Variants in UMODL1 observed in about 807,000 individuals in gnomAD.
UMODL1 encodes uromodulin like 1.
UMODL1 carries 128 observed loss-of-function variants against 136.3 expected under a neutral mutation model. The ratio of observed to expected loss-of-function variants is 0.94; its 90% CI spans 0.81 to 1.09. The LOEUF (loss-of-function observed/expected upper bound fraction) is 1.09, where lower values mean the gene tolerates loss of function less well. Among genes scored for constraint, UMODL1 ranks in the 50% least tolerant of loss-of-function variants. The pLI is 0.00. For missense variants in UMODL1, 1,766 were observed against 1,725.6 expected (o/e 1.02, Z -0.41); for synonymous variants, 721 against 720.0 (o/e 1.00, Z -0.02).
chr21:42,085,679 G>A lies in UMODL1; in HGVS notation c.603+267G>A, dbSNP rs1276711499. ...CCCTCATAGGCCCGCCTGTCGTGGT[G>A]GAGAACGCGGATCCCTAAGCTTGCA... On this transcript the variant is annotated intron_variant, in intron 4 of 22. Transcript: ENST00000408910. The surrounding 1 kb of genome is among the most constrained non-coding windows in gnomAD (Gnocchi z 4.5). Among the ~76,000 whole-genome samples the A allele has an allele frequency of 6.6e-6, 1 of 152,206 alleles. No individual in the cohort carries two copies. The highest frequency in any genetic ancestry group is 1.5e-5 in the Non-Finnish European group (1 of 68,034).
chr21:42,129,835 A>T (rs759435002), intron 21 of UMODL1, 38 bp downstream of exon 21: 5 of 1,432,090 alleles, frequency 3.5e-6, no homozygotes, highest in Non-Finnish European at 4.7e-6. Context: ...GAAAGAAAAG[A>T]TGCAACCGAT....
At chr21:42,073,035 T>C (rs1050227928) in intron 1 of UMODL1, among the ~76,000 whole-genome samples, 98 of 151,968 alleles carry the variant, frequency 6.4e-4, no homozygotes, top group African/African-American at 2.2e-3. Flanking sequence ...CGCGCGCGTG[T>C]GTGTGTGTGC....
At chr21:42,076,303 A>G in intron 2 of UMODL1, 56 bp downstream of exon 2, 1 of 1,604,088 alleles carries the variant, frequency 6.2e-7, no homozygotes, top group South Asian at 1.1e-5. Flanking sequence ...GAGACGCCTG[A>G]TGGGACAGTC....
upstream of UMODL1, among the ~76,000 whole-genome samples, chr21:42,068,040 C>A (rs1314045660): frequency 6.6e-6 from 1 of 152,088 alleles, no homozygotes; most frequent in Non-Finnish European, 1.5e-5. This position sits in a 1 kb window ranked among gnomAD's most constrained non-coding sequence, Gnocchi z 5.5. Context: ...GGAGAACTCT[C>A]CAGAAGGGTC....
rs1569175016 is a variant in UMODL1, at chr21:42,126,996, C to G, written c.3294-10C>G. 6.2e-7 allele frequency: 1 copy of G among 1,612,186 alleles called. No homozygotes were observed. The highest frequency in any genetic ancestry group is 8.5e-7 in the Non-Finnish European group (1 of 1,178,202). ...GAAACATGCCTCCTGCAAGCTGCTTCCTCTTGCAGGGTTTACACCATCATC... is the reference window on the plus strand; with the variant it reads ...GAAACATGCCTCCTGCAAGCTGCTTGCTCTTGCAGGGTTTACACCATCATC... On this transcript the variant is annotated splice_polypyrimidine_tract_variant and intron_variant, in intron 18 of 22. Coordinates refer to ENST00000408910, the MANE Select transcript of UMODL1 (RefSeq NM_001004416.3).
In UMODL1 at chr21:42,115,587, G is replaced by A. The variant is rs117948285; in HGVS notation, c.2363-286G>A. Among the ~76,000 whole-genome samples the A allele has an allele frequency of 9.3e-3, 1,422 of 152,294 alleles. 17 individuals are homozygous for A. The highest frequency in any genetic ancestry group is 0.029 in the African/African-American group (1,209 of 41,550). On this transcript the variant is annotated intron_variant, in intron 13 of 22. Coordinates refer to ENST00000408910, the MANE Select transcript of UMODL1 (RefSeq NM_001004416.3). ...TGTCTGAACCCCAGCATGGGGGAACGGCAGCAAGGAAGGAAGGCTATGTGT... is the reference window on the plus strand; with the variant it reads ...TGTCTGAACCCCAGCATGGGGGAACAGCAGCAAGGAAGGAAGGCTATGTGT...
At chr21:42,132,294 C>T (rs1376676619) in intron 21 of UMODL1, among the ~76,000 whole-genome samples, 2 of 151,854 alleles carry the variant, frequency 1.3e-5, no homozygotes, top group Non-Finnish European at 2.9e-5. Flanking sequence ...TATCATCCAT[C>T]CATCCATGCA....
chr21:42,111,698 AC>A lies in UMODL1; in HGVS notation c.2097del (p.Ala700ProfsTer15), dbSNP rs757737761. The A allele has an allele frequency of 6.2e-7, 1 of 1,606,880 alleles. No homozygotes were observed. The highest frequency in any genetic ancestry group is 2.2e-5 in the East Asian group (1 of 44,748). The stretch of plus-strand genomic sequence containing the variant: ...GACCTCCACCCTCACAGCTCTGAAG[AC>A]CCCCGCCTGTGGTGAGTTCCTCGAA... Reference protein sequence around the residue: ...PLTSTLTALKTPACVPVSIGR... With the variant: ...PLTSTLTALKXPACVPVSIGR... On this transcript the variant is annotated frameshift_variant, in exon 12 of 23. Transcript: ENST00000408910. LOFTEE classifies it high-confidence loss of function.
upstream of UMODL1, among the ~76,000 whole-genome samples, chr21:42,070,941 G>A (rs1023052358): frequency 4.0e-4 from 61 of 152,218 alleles, no homozygotes; most frequent in African/African-American, 1.2e-3. Context: ...AGAATACTCC[G>A]TGTTGATGGA....
intron 2 of UMODL1, among the ~76,000 whole-genome samples, chr21:42,079,130 G>A (rs1051824875): frequency 2.0e-5 from 3 of 152,196 alleles, no homozygotes; most frequent in Admixed American, 6.5e-5. Flanking sequence ...AGTGAGGGGA[G>A]GAGGCCCTGG....
At chr21:42,077,836 A>G (rs1353477752) in intron 2 of UMODL1, among the ~76,000 whole-genome samples, 2 of 152,224 alleles carry the variant, frequency 1.3e-5, no homozygotes, top group Non-Finnish European at 1.5e-5. Flanking sequence ...CCAGGACAAC[A>G]GCAGAATGGA....
At position 42,103,584 on chromosome 21, in the gene UMODL1, G is replaced by A. The variant is rs113012419; in HGVS notation, c.1300-284G>A. On this transcript the variant is annotated intron_variant, in intron 8 of 22. Transcript: ENST00000408910. ...TTCGCACCAGTTTTCAGGACACTCA[G>A]AGGGGATTGTCCATCTGATGCTCCA... 651 of 557,704 alleles carry A rather than the reference G, an allele frequency of 1.2e-3. 4 individuals carry two copies. The highest frequency in any genetic ancestry group is 0.011 in the African/African-American group (577 of 53,952). 34.5% of individuals were successfully genotyped at this position (557,704 alleles called of 1,614,324 possible). A position where few individuals can be genotyped will look rare whatever the true frequency, so the allele number is the denominator to read the frequency against.
chr21:42,108,550 C>G (rs1453505417), intron 9 of UMODL1: 2 of 341,114 alleles, frequency 5.9e-6, no homozygotes, highest in African/African-American at 2.1e-5. Context: ...GGTCCTGCAT[C>G]GTGGCTTAAA....
intron 7 of UMODL1, 143 bp from the exon 8 acceptor site, chr21:42,102,023 C>G: frequency 1.7e-6 from 1 of 594,584 alleles, no homozygotes; most frequent in Non-Finnish European, 3.0e-6. Flanking sequence ...TTATTTCCCC[C>G]AATTAGGATA....
At chr21:42,088,761 C>T (rs2066457476) in intron 5 of UMODL1, among the ~76,000 whole-genome samples, 1 of 151,976 alleles carries the variant, frequency 6.6e-6, no homozygotes, top group South Asian at 2.1e-4. Flanking sequence ...TCCTCGGATC[C>T]CTCTGGCCTC....
upstream of UMODL1, among the ~76,000 whole-genome samples, chr21:42,069,168 G>C (rs941153024): frequency 6.7e-6 from 1 of 149,948 alleles, no homozygotes; most frequent in Non-Finnish European, 1.5e-5. Context: ...CCATCATGCA[G>C]GAAAATATGT....
intron 21 of UMODL1, among the ~76,000 whole-genome samples, chr21:42,132,175 T>C (rs1356113813): frequency 6.6e-6 from 1 of 151,886 alleles, no homozygotes; most frequent in East Asian, 1.9e-4. Context: ...TTCATTCATC[T>C]ATCCATCTAT....
intron 15 of UMODL1, among the ~76,000 whole-genome samples, chr21:42,119,891 T>C (rs975505544): frequency 2.0e-5 from 3 of 152,226 alleles, no homozygotes; most frequent in Admixed American, 2.0e-4. Flanking sequence ...AACGATGAGA[T>C]GCTGACTGCA....
rs570059702 is a variant in UMODL1, at chr21:42,123,963, C to G, written c.3147+813C>G. Among the ~76,000 whole-genome samples, 123 of 152,276 alleles carry G rather than the reference C, an allele frequency of 8.1e-4. No individual in the cohort carries two copies. The highest frequency in any genetic ancestry group is 2.8e-3 in the African/African-American group (116 of 41,538). ...GAAAGTGGGTTTTCCTGGCCTGAGG[C>G]CTTCGCACCTCTGTGTGCACAGATG... On this transcript the variant is annotated intron_variant, in intron 17 of 22. Coordinates refer to ENST00000408910, the MANE Select transcript of UMODL1 (RefSeq NM_001004416.3). The surrounding 1 kb of genome is among the most constrained non-coding windows in gnomAD (Gnocchi z 4.4).
Sources: gnomAD v4.1 joint callset for allele counts (sites outside exome capture counted in the v4.1 genomes callset) on GRCh38, gnomAD v4.1.1 for gene constraint, Gnocchi (gnomAD v3.1) non-coding constraint, MANE v1.5 for transcripts, NCBI Gene and HGNC (gene_info 2026-07-23, HGNC 2026-07-21) for gene names.